The following SEMA6D variants were observed in gnomAD, a reference collection of about 807,000 sequenced individuals.
The protein encoded by SEMA6D is semaphorin 6D.
Under a neutral mutation model 106.6 loss-of-function variants are expected in SEMA6D, and 35 were observed. That is an observed-to-expected ratio of 0.33 (90% CI 0.25 to 0.44). SEMA6D has a LOEUF of 0.44. Among genes scored for constraint, SEMA6D ranks in the 20% least tolerant of loss-of-function variants. SEMA6D has a pLI of 1.00. For synonymous variants in SEMA6D, 499 were observed against 487.7 expected (o/e 1.02, Z -0.31); for missense variants, 1,185 against 1,345.9 (o/e 0.88, Z 1.87).
chr15:47,415,956 A>G (rs1488093339), intron 2 of SEMA6D, among the ~76,000 whole-genome samples: 1 of 152,204 alleles, frequency 6.6e-6, no homozygotes, highest in Non-Finnish European at 1.5e-5. Flanking sequence ...AAGGACTATG[A>G]ATAATGGATG....
intron 1 of SEMA6D, among the ~76,000 whole-genome samples, chr15:47,198,988 G>C (rs954192893): frequency 6.6e-6 from 1 of 152,110 alleles, no homozygotes; most frequent in African/African-American, 2.4e-5. Context: ...AAAAAGATGT[G>C]GAAGAGAAAA....
At chr15:47,377,471 T>A (rs1390607994) in intron 1 of SEMA6D, among the ~76,000 whole-genome samples, 1 of 152,124 alleles carries the variant, frequency 6.6e-6, no homozygotes, top group Non-Finnish European at 1.5e-5. Context: ...GGGTTAAGCT[T>A]TTTCCTGGAG....
intron 1 of SEMA6D, among the ~76,000 whole-genome samples, chr15:47,380,154 GA>G (rs1333405616): frequency 6.6e-6 from 1 of 152,112 alleles, no homozygotes; most frequent in Non-Finnish European, 1.5e-5. Flanking sequence ...AACTAGAGCT[GA>G]AAAAAGGAAT....
chr15:47,213,768 G>T (rs746945608), intron 1 of SEMA6D, among the ~76,000 whole-genome samples: 21 of 152,170 alleles, frequency 1.4e-4, no homozygotes, highest in Non-Finnish European at 2.6e-4. Flanking sequence ...GCCTGTAGCA[G>T]AAGGTCTTAA....
At chr15:47,437,213 C>T (rs2140687428) in intron 2 of SEMA6D, among the ~76,000 whole-genome samples, 1 of 152,146 alleles carries the variant, frequency 6.6e-6, no homozygotes, top group Middle Eastern at 3.4e-3. Flanking sequence ...TGTGCCTAAT[C>T]CAAATTGTAT....
intron 4 of SEMA6D, among the ~76,000 whole-genome samples, chr15:47,678,692 A>T (rs1361596972): frequency 6.6e-6 from 1 of 151,778 alleles, no homozygotes. Context: ...TTTAGCCATA[A>T]TATTTGTTCT....
chr15:47,249,727 TAAA>T (rs1390914256), intron 1 of SEMA6D, among the ~76,000 whole-genome samples: 1 of 152,128 alleles, frequency 6.6e-6, no homozygotes, highest in African/African-American at 2.4e-5. Flanking sequence ...ACATGATGAA[TAAA>T]GGTCCTTAGC....
intron 1 of SEMA6D, among the ~76,000 whole-genome samples, chr15:47,367,467 T>C (rs7163407): frequency 0.16 from 23,757 of 152,164 alleles, 2,754 homozygotes; most frequent in African/African-American, 0.32. Context: ...AACCACATTT[T>C]TTAAAGTTCT....
At chr15:47,749,023 G>C (rs1449768995) in intron 1 of SEMA6D, among the ~76,000 whole-genome samples, 1 of 55,510 alleles carries the variant, frequency 1.8e-5, no homozygotes, top group East Asian at 2.5e-4. Context: ...AAGTGCCTGA[G>C]AAGAACATGA....
At chr15:47,569,481 G>C (rs1429835424) in intron 3 of SEMA6D, among the ~76,000 whole-genome samples, 1 of 152,094 alleles carries the variant, frequency 6.6e-6, no homozygotes, top group Admixed American at 6.5e-5. Flanking sequence ...AACTATGTGG[G>C]GCACAGGACA....
chr15:47,579,443 G>A (rs2076217309), intron 3 of SEMA6D, among the ~76,000 whole-genome samples: 1 of 152,080 alleles, frequency 6.6e-6, no homozygotes, highest in African/African-American at 2.4e-5. Context: ...CGCCCAGCCA[G>A]AAATCTGTAT....
intron 1 of SEMA6D, among the ~76,000 whole-genome samples, chr15:47,398,900 C>G (rs2040306818): frequency 6.6e-6 from 1 of 152,120 alleles, no homozygotes; most frequent in South Asian, 2.1e-4. Context: ...AGCCACACTT[C>G]CTGAGTGAAC....
At chr15:47,292,118 A>G (rs983904593) in intron 1 of SEMA6D, among the ~76,000 whole-genome samples, 11 of 152,380 alleles carry the variant, frequency 7.2e-5, no homozygotes, top group Non-Finnish European at 1.5e-4. Flanking sequence ...GTGTGAATAG[A>G]ATATGCACTG....
chr15:47,489,671 A>G (rs1423999837), intron 3 of SEMA6D, among the ~76,000 whole-genome samples: 2 of 150,626 alleles, frequency 1.3e-5, no homozygotes, highest in Non-Finnish European at 3.0e-5. Context: ...TTTTTTTTTG[A>G]GACGGAGTCT....
chr15:47,365,735 C>T (rs1380584737), intron 1 of SEMA6D, among the ~76,000 whole-genome samples: 1 of 151,894 alleles, frequency 6.6e-6, no homozygotes, highest in Non-Finnish European at 1.5e-5. Flanking sequence ...GTGGCAGGTG[C>T]CTGTAATCCC....
At chr15:47,609,068 A>G (rs10152198) in intron 4 of SEMA6D, among the ~76,000 whole-genome samples, 13,310 of 152,180 alleles carry the variant, frequency 0.087, 874 homozygotes, top group African/African-American at 0.18. Context: ...TCAATACAAT[A>G]GCTTAAAGTT....
intron 3 of SEMA6D, among the ~76,000 whole-genome samples, chr15:47,516,905 T>A (rs544523497): frequency 6.2e-4 from 95 of 152,288 alleles, no homozygotes; most frequent in South Asian, 1.2e-3. Flanking sequence ...AAAAGAAGAA[T>A]TAATTTAAAA....
At chr15:47,250,376 GAGAA>G (rs764493701) in intron 1 of SEMA6D, among the ~76,000 whole-genome samples, 22 of 151,404 alleles carry the variant, frequency 1.5e-4, no homozygotes, top group Non-Finnish European at 2.7e-4. Context: ...GGGAGGGAGA[GAGAA>G]AGAGAAAAAG....
At chr15:47,243,950 T>C (rs890904639) in intron 1 of SEMA6D, among the ~76,000 whole-genome samples, 2 of 152,144 alleles carry the variant, frequency 1.3e-5, no homozygotes, top group African/African-American at 4.8e-5. Flanking sequence ...TGCATGGAGT[T>C]TACAATCTCA....
Sources: gnomAD v4.1 joint callset for allele counts (sites outside exome capture counted in the v4.1 genomes callset) on GRCh38, gnomAD v4.1.1 for gene constraint, MANE v1.5 for transcripts, NCBI Gene and HGNC (gene_info 2026-07-23, HGNC 2026-07-21) for gene names.